CCT4: variants seen among roughly 807,000 people sequenced by gnomAD.
The protein encoded by CCT4 is T-complex protein 1 subunit delta.
CCT4 carries 17 observed loss-of-function variants against 62.5 expected under a neutral mutation model. The observed-to-expected ratio is 0.27, with a 90% CI of 0.19 to 0.41. The LOEUF (loss-of-function observed/expected upper bound fraction) is 0.41, where lower values mean the gene tolerates loss of function less well. Among genes scored for constraint, CCT4 ranks in the 10% least tolerant of loss-of-function variants. The pLI, the probability that CCT4 is intolerant of heterozygous loss-of-function variation, is 1.00. For missense variants in CCT4, 592 were observed against 659.2 expected (o/e 0.90, Z 1.12); for synonymous variants, 250 against 229.9 (o/e 1.09, Z -0.79).
Position 61,868,560 on chromosome 2 carries a change from G to A in CCT4, c.*132C>T, listed in dbSNP as rs1367066663. 4.5e-6 allele frequency: 3 copies of A among 661,678 alleles called. No individual in the cohort carries two copies. The highest frequency in any genetic ancestry group is 8.1e-6 in the Non-Finnish European group (3 of 370,764). 41.0% of individuals were successfully genotyped at this position (661,678 alleles called of 1,614,324 possible). A position where few individuals can be genotyped will look rare whatever the true frequency, so the allele number is the denominator to read the frequency against. ...TTAAATTGTTTCAATACAACTTCAG[G>A]CAAATGCCAACTGGAAGACCAAGCC... is the stretch of plus-strand genomic sequence containing the variant. On this transcript the variant is annotated 3_prime_UTR_variant, in exon 14 of 14. Coordinates refer to ENST00000394440, the MANE Select transcript of CCT4 (RefSeq NM_006430.4).
rs932626236 is a variant in CCT4, at chr2:61,872,912, G to C, written c.1125+90C>G. On this transcript the variant is annotated intron_variant, in intron 10 of 13. Coordinates refer to ENST00000394440, the MANE Select transcript of CCT4 (RefSeq NM_006430.4). ...ACTGCACTCCAACCTGGGCGACAGAGTGAGACTCCGTCTCAAAAAAAGAAA... is the reference window on the plus strand; with the variant it reads ...ACTGCACTCCAACCTGGGCGACAGACTGAGACTCCGTCTCAAAAAAAGAAA... 1.9e-5 allele frequency: 15 copies of C among 798,814 alleles called. No individual in the cohort carries two copies. In the African/African-American group the frequency reaches 2.6e-4, roughly 14 times the overall value. The allele number at this position is 798,814 out of a possible 1,614,324, so 49.5% of individuals were successfully genotyped here. A position where few individuals can be genotyped will look rare whatever the true frequency, so the allele number is the denominator to read the frequency against.
intron 10 of CCT4, 59 bp downstream of exon 10, chr2:61,872,942 AC>A (rs1668914849): frequency 2.0e-6 from 2 of 985,778 alleles, no homozygotes; most frequent in East Asian, 2.4e-5. Flanking sequence ...AAGAAAAAAA[AC>A]AACCTAAAAC....
chr2:61,880,427 G>A, intron 3 of CCT4, 33 bp from the exon 4 acceptor site: 1 of 1,233,024 alleles, frequency 8.1e-7, no homozygotes, highest in Non-Finnish European at 1.2e-6. Context: ...GTTGCTCAAT[G>A]AGAAATGACA....
At chr2:61,880,475 G>A (rs1669088926) in intron 3 of CCT4, 81 bp from the exon 4 acceptor site, 1 of 750,068 alleles carries the variant, frequency 1.3e-6, no homozygotes, top group Admixed American at 2.5e-5. Context: ...TCGCACCAGT[G>A]TCACAAACAG....
At chr2:61,881,696 CT>C (rs1233705747) in intron 3 of CCT4, among the ~76,000 whole-genome samples, 2 of 151,818 alleles carry the variant, frequency 1.3e-5, no homozygotes, top group South Asian at 4.2e-4. Flanking sequence ...GTAATTTTAT[CT>C]TTTTTCATGT....
intron 10 of CCT4, among the ~76,000 whole-genome samples, chr2:61,872,801 C>A (rs1368263562): frequency 2.6e-5 from 4 of 152,160 alleles, no homozygotes; most frequent in Admixed American, 1.3e-4. Flanking sequence ...GTGGCAGGCG[C>A]CTGTAGTCCC....
intron 9 of CCT4, 27 bp from the exon 10 acceptor site, chr2:61,873,139 T>C (rs1558504170): frequency 2.7e-6 from 4 of 1,499,402 alleles, no homozygotes; most frequent in Non-Finnish European, 3.7e-6. Flanking sequence ...AATCCACAAA[T>C]TAAGACATTT....
chr2:61,886,453 A>G (rs1258861285), intron 1 of CCT4, among the ~76,000 whole-genome samples: 1 of 152,190 alleles, frequency 6.6e-6, no homozygotes, highest in Non-Finnish European at 1.5e-5. Context: ...AACAAAAACC[A>G]AAACTCTCAA....
Position 61,872,180 on chromosome 2 carries a change from G to A in CCT4, c.1393C>T (p.Leu465=), listed in dbSNP as rs752736961. Residue 465 remains leucine, a synonymous_variant, in exon 12 of 14, where the codon CTA becomes TTA. Coordinates refer to ENST00000394440, the MANE Select transcript of CCT4 (RefSeq NM_006430.4). The part of the protein sequence containing the change: ...ADAMEVIPST[L]AENAGLNPIS... ...GGATTCAGGCCGGCATTTTCAGCTAGTGTAGATGGAATGACCTCCATAGCA... is the reference window on the plus strand; with the variant it reads ...GGATTCAGGCCGGCATTTTCAGCTAATGTAGATGGAATGACCTCCATAGCA... The A allele has an allele frequency of 1.1e-5, 17 of 1,614,032 alleles. No homozygotes were observed. The highest frequency in any genetic ancestry group is 1.4e-5 in the Non-Finnish European group (17 of 1,179,944).
intron 4 of CCT4, among the ~76,000 whole-genome samples, chr2:61,879,274 T>TTC: frequency 6.9e-6 from 1 of 145,818 alleles, no homozygotes; most frequent in South Asian, 2.3e-4. Context: ...TTTTTTTTTT[T>TTC]TTTCTGAGAC....
intron 3 of CCT4, among the ~76,000 whole-genome samples, chr2:61,882,061 T>C (rs191842235): frequency 4.3e-4 from 65 of 151,960 alleles, no homozygotes; most frequent in African/African-American, 1.5e-3. Flanking sequence ...TGCCTCCGAG[T>C]AGCTGAAATT....
At chr2:61,888,213 C>T in intron 1 of CCT4, 168 bp downstream of exon 1, 3 of 800,198 alleles carry the variant, frequency 3.7e-6, no homozygotes, top group East Asian at 2.9e-5. Flanking sequence ...GGTTGGCGAT[C>T]ATCGGCAGAA....
At chr2:61,874,223 T>C (rs764636185) in intron 8 of CCT4, among the ~76,000 whole-genome samples, 7 of 152,156 alleles carry the variant, frequency 4.6e-5, no homozygotes, top group Admixed American at 1.3e-4. Flanking sequence ...TATTATATGA[T>C]TGGGATTAGA....
intron 7 of CCT4, 116 bp downstream of exon 7, chr2:61,876,800 TAGTA>T (rs1225041602): frequency 1.2e-6 from 1 of 803,306 alleles, no homozygotes; most frequent in African/African-American, 1.8e-5. Flanking sequence ...GTCTCAATTC[TAGTA>T]AGTCTTTTGA....
chr2:61,887,431 T>C (rs1572929656), intron 1 of CCT4, among the ~76,000 whole-genome samples: 1 of 152,140 alleles, frequency 6.6e-6, no homozygotes, highest in Non-Finnish European at 1.5e-5. Flanking sequence ...TTAAGCCAAA[T>C]ACTTTCCAGG....
In CCT4 at chr2:61,878,870, T is replaced by G. The variant is rs1369096113; in HGVS notation, c.521A>C (p.Lys174Thr). Residue 174 changes from lysine to threonine, a missense_variant and splice_region_variant, in exon 5 of 14, where the codon AAG becomes ACG. Coordinates refer to ENST00000394440, the MANE Select transcript of CCT4 (RefSeq NM_006430.4). ...LNSATTSLNS[K>T]VVSQYSSLLS... ...AGTATCCGTTAGTGTTTGTCTCACC[T>G]TTGAGTTCAGTGAAGTGGTTGCACT... 1 of 1,604,528 alleles carries G rather than the reference T, an allele frequency of 6.2e-7. No homozygotes were observed.
intron 8 of CCT4, among the ~76,000 whole-genome samples, chr2:61,875,365 T>C (rs937962187): frequency 2.0e-5 from 3 of 151,746 alleles, no homozygotes; most frequent in Admixed American, 6.6e-5. Flanking sequence ...GATCATGAGG[T>C]CAGGAGATCG....
At chr2:61,882,856 G>A (rs1454640309) in intron 3 of CCT4, among the ~76,000 whole-genome samples, 3 of 150,990 alleles carry the variant, frequency 2.0e-5, no homozygotes, top group Non-Finnish European at 4.4e-5. Context: ...AGAATGGAGT[G>A]TTGTGGTGTG....
At chr2:61,881,071 C>A (rs1345772394) in intron 3 of CCT4, among the ~76,000 whole-genome samples, 2 of 152,160 alleles carry the variant, frequency 1.3e-5, no homozygotes, top group African/African-American at 4.8e-5. Flanking sequence ...TTTGAGTAGA[C>A]CCCTTGTAAG....
Sources: gnomAD v4.1 joint callset for allele counts (sites outside exome capture counted in the v4.1 genomes callset) on GRCh38, gnomAD v4.1.1 for gene constraint, MANE v1.5 for transcripts, NCBI Gene and HGNC (gene_info 2026-07-23, HGNC 2026-07-21) for gene names.